The following EBF2 variants were observed in gnomAD, a reference collection of about 807,000 sequenced individuals.
EBF2 encodes the protein EBF transcription factor 2, also known as transcription factor COE2.
EBF2 carries 21 observed loss-of-function variants against 72.8 expected under a neutral mutation model. The observed-to-expected ratio is 0.29, with a 90% CI of 0.20 to 0.42. EBF2 has a LOEUF of 0.42. Among genes scored for constraint, EBF2 ranks in the 10% least tolerant of loss-of-function variants. The pLI, the probability that EBF2 is intolerant of heterozygous loss-of-function variation, is 1.00. For synonymous variants in EBF2, 299 were observed against 274.2 expected (o/e 1.09, Z -0.89); for missense variants, 637 against 731.2 (o/e 0.87, Z 1.49).
At chr8:25,939,453 T>C (rs1049687956) in intron 6 of EBF2, among the ~76,000 whole-genome samples, 5 of 152,200 alleles carry the variant, frequency 3.3e-5, no homozygotes, top group Admixed American at 3.3e-4. Flanking sequence ...GTGTGTGCAC[T>C]AGTGTGATTG....
intron 6 of EBF2, among the ~76,000 whole-genome samples, chr8:25,990,866 A>C (rs1804531216): frequency 6.6e-6 from 1 of 152,340 alleles, no homozygotes; most frequent in South Asian, 2.1e-4. Flanking sequence ...TTAAATTAGC[A>C]CTTGGAGTAC....
In EBF2 at chr8:26,042,188, G is replaced by A. The variant is rs1272993962; in HGVS notation, c.195C>T (p.Asn65=). 2.5e-6 allele frequency: 4 copies of A among 1,614,202 alleles called. No homozygotes were observed. The South Asian group carries it at 4.4e-5, about 18-fold the overall frequency. Residue 65 remains asparagine, a synonymous_variant, in exon 2 of 16, where the codon AAC becomes AAT. Coordinates refer to ENST00000520164, the MANE Select transcript of EBF2 (RefSeq NM_022659.4). ...AGAGCGCCAGGACGAAGTGAAAGAAGTTGGATTTCCTCAAGTTGGAAGGAG... is the reference window on the plus strand; with the variant it reads ...AGAGCGCCAGGACGAAGTGAAAGAAATTGGATTTCCTCAAGTTGGAAGGAG... ...KQPPSNLRKS[N]FFHFVLALYD...
chr8:25,912,814 C>A (rs985090462), intron 6 of EBF2, among the ~76,000 whole-genome samples: 1 of 152,008 alleles, frequency 6.6e-6, no homozygotes, highest in African/African-American at 2.4e-5. Context: ...TACTGAATAC[C>A]CTCCTTTCCA....
intron 6 of EBF2, among the ~76,000 whole-genome samples, chr8:25,951,156 T>C (rs897200422): frequency 1.3e-5 from 2 of 152,228 alleles, no homozygotes; most frequent in Non-Finnish European, 2.9e-5. Flanking sequence ...GATATCACCA[T>C]CTTATTTCAT....
intron 10 of EBF2, among the ~76,000 whole-genome samples, chr8:25,884,389 GAAA>G (rs1304041314): frequency 5.9e-5 from 9 of 152,088 alleles, no homozygotes; most frequent in African/African-American, 2.2e-4. Context: ...GGAGGATGGA[GAAA>G]GAAGGAGAGA....
intron 10 of EBF2, among the ~76,000 whole-genome samples, chr8:25,881,945 C>T (rs1361603738): frequency 6.6e-6 from 1 of 152,188 alleles, no homozygotes; most frequent in African/African-American, 2.4e-5. Flanking sequence ...CTTCTGGCTC[C>T]CTTATCTGCT....
At chr8:25,868,012 A>G (rs902627086) in intron 10 of EBF2, among the ~76,000 whole-genome samples, 2 of 152,210 alleles carry the variant, frequency 1.3e-5, no homozygotes, top group Admixed American at 1.3e-4. Context: ...AATGTACACA[A>G]ATATATGTAG....
chr8:25,922,813 G>A (rs539376828), intron 6 of EBF2, among the ~76,000 whole-genome samples: 35 of 152,222 alleles, frequency 2.3e-4, no homozygotes, highest in African/African-American at 6.3e-4. Context: ...TGGGGGAAAG[G>A]CCTAATTGAC....
chr8:25,858,560 A>T (rs774490135), intron 13 of EBF2, 56 bp from the exon 14 acceptor site: 43 of 1,558,796 alleles, frequency 2.8e-5, no homozygotes, highest in East Asian at 4.6e-5. Context: ...GTCAGGCCAC[A>T]TGTGGCTAGC....
chr8:25,876,279 G>A (rs922154112), intron 10 of EBF2, among the ~76,000 whole-genome samples: 1 of 152,128 alleles, frequency 6.6e-6, no homozygotes, highest in Non-Finnish European at 1.5e-5. Context: ...GGGAGAGGAA[G>A]AGCATCAGGA....
chr8:25,881,961 C>G (rs974449562), intron 10 of EBF2, among the ~76,000 whole-genome samples: 21 of 152,340 alleles, frequency 1.4e-4, no homozygotes, highest in Non-Finnish European at 2.5e-4. Context: ...CTGCTGAGAA[C>G]TACCTCCTCT....
At chr8:25,858,074 T>C in intron 14 of EBF2, 1 of 642,462 alleles carries the variant, frequency 1.6e-6, no homozygotes, top group Non-Finnish European at 2.9e-6. Context: ...CCACACATGC[T>C]CTTTCTCTAT....
At position 25,889,834 on chromosome 8, in the gene EBF2, G is replaced by A. The variant is rs370905488; in HGVS notation, c.669C>T (p.His223=). ...ACATGTTGTCAGAAACAGCCAGGAC[G>A]TGTCCATCCACATTCACCGTTGTTG... ...VLSTTVNVDG[H]VLAVSDNMFV... is the part of the protein sequence containing the mutation. Residue 223 remains histidine, a synonymous_variant, in exon 8 of 16, where the codon CAC becomes CAT. Transcript: ENST00000520164. The A allele has an allele frequency of 4.4e-5, 71 of 1,613,966 alleles. No individual in the cohort carries two copies. The highest frequency in any genetic ancestry group is 2.7e-4 in the African/African-American group (20 of 75,034).
chr8:25,975,954 A>C (rs1032560594), intron 6 of EBF2, among the ~76,000 whole-genome samples: 8 of 152,198 alleles, frequency 5.3e-5, no homozygotes, highest in African/African-American at 1.9e-4. Context: ...GCTGTGGTCC[A>C]AACTATGCTG....
At chr8:26,038,186 C>A (rs1805535961) in intron 5 of EBF2, among the ~76,000 whole-genome samples, 1 of 152,222 alleles carries the variant, frequency 6.6e-6, no homozygotes, top group Non-Finnish European at 1.5e-5. Context: ...TGTACACACA[C>A]ACATGTATGC....
intron 6 of EBF2, among the ~76,000 whole-genome samples, chr8:26,007,233 T>C (rs1463541735): frequency 6.6e-6 from 1 of 152,198 alleles, no homozygotes; most frequent in Admixed American, 6.5e-5. Flanking sequence ...GAGCCTGGCC[T>C]CTTGGTGAGT....
At chr8:25,880,031 A>C (rs1802582380) in intron 10 of EBF2, among the ~76,000 whole-genome samples, 1 of 152,104 alleles carries the variant, frequency 6.6e-6, no homozygotes, top group African/African-American at 2.4e-5. Flanking sequence ...CTAGCTTTCT[A>C]TTTGGATATT....
At chr8:26,005,181 T>C (rs1804819371) in intron 6 of EBF2, among the ~76,000 whole-genome samples, 1 of 128,370 alleles carries the variant, frequency 7.8e-6, no homozygotes, top group Admixed American at 1.0e-4. Flanking sequence ...GTTAGTTAGA[T>C]ATAAAAGAAG....
intron 10 of EBF2, among the ~76,000 whole-genome samples, chr8:25,877,908 T>C (rs568205781): frequency 2.0e-5 from 3 of 152,226 alleles, no homozygotes; most frequent in East Asian, 3.9e-4. Flanking sequence ...AAAATACAGA[T>C]TCCCAGACCC....
Sources: gnomAD v4.1 joint callset for allele counts (sites outside exome capture counted in the v4.1 genomes callset) on GRCh38, gnomAD v4.1.1 for gene constraint, MANE v1.5 for transcripts, NCBI Gene and HGNC (gene_info 2026-07-23, HGNC 2026-07-21) for gene names.